The following NAALADL1 variants were observed in gnomAD, a reference collection of about 807,000 sequenced individuals.
NAALADL1 encodes the protein N-acetylated alpha-linked acidic dipeptidase like 1.
Under a neutral mutation model 82.8 loss-of-function variants are expected in NAALADL1, and 77 were observed. The ratio of observed to expected loss-of-function variants is 0.93; its 90% CI spans 0.77 to 1.12. NAALADL1 has a LOEUF of 1.12. NAALADL1 is among the 50% of genes most tolerant of loss of function. The probability of loss-of-function intolerance (pLI) is 0.00; values close to 1 mark genes in which losing one functional copy is unlikely to be tolerated. For missense variants in NAALADL1, 956 were observed against 964.0 expected, an observed-to-expected ratio of 0.99 and a Z score of 0.11; for synonymous variants, 358 against 399.2, an observed-to-expected ratio of 0.90 and a Z score of 1.23.
Position 65,045,443 on chromosome 11 carries a change from G to C in NAALADL1, c.2051C>G (p.Ala684Gly). The C allele has an allele frequency of 1.9e-6, 3 of 1,607,138 alleles. No homozygotes were observed. The highest frequency in any genetic ancestry group is 2.6e-6 in the Non-Finnish European group (3 of 1,175,868). The change falls in exon 18 of 18, where the codon GCA (alanine) becomes GGA (glycine). Residue 684 changes from alanine (A) to glycine (G), a missense_variant. By Grantham distance (60) the Ala-to-Gly change is moderately conservative. Coordinates refer to ENST00000358658, the MANE Select transcript of NAALADL1 (RefSeq NM_005468.3). The stretch of plus-strand genomic sequence containing the variant: ...TGTGACTACGGAGCCCGTGCGAGGT[G>C]CCCAGAGCACATGGCTGACAAGAGA... ...EERYYSHVLWAPRTGSVVTFP... is the reference protein window; with the variant it reads ...EERYYSHVLWGPRTGSVVTFP...
In NAALADL1 at chr11:65,053,579, G is replaced by A; in HGVS notation, c.993-3C>T. The A allele has an allele frequency of 1.3e-6, 2 of 1,591,174 alleles. No homozygotes were observed. The highest frequency in any genetic ancestry group is 8.6e-7 in the Non-Finnish European group (1 of 1,167,028). On this transcript the variant is annotated splice_polypyrimidine_tract_variant and splice_region_variant and intron_variant, in intron 6 of 17. Transcript: ENST00000358658. The surrounding 1 kb of genome is among the most constrained non-coding windows in gnomAD (Gnocchi z 4.3). ...TGTAGACGCTCACATTCACCTGGCT[G>A]GGGAGGGTGAAGGGTGTGAGAAGAC...
upstream of NAALADL1, among the ~76,000 whole-genome samples, chr11:65,060,459 G>C (rs1290549682): frequency 6.6e-6 from 1 of 152,088 alleles, no homozygotes. Context: ...CACCAGGTGG[G>C]GAGTGGGATG....
upstream of NAALADL1, among the ~76,000 whole-genome samples, chr11:65,060,501 G>A (rs1947169165): frequency 6.6e-6 from 1 of 152,128 alleles, no homozygotes; most frequent in Non-Finnish European, 1.5e-5. Flanking sequence ...AGGGACTGAG[G>A]CAGCAACCCC....
Position 65,058,098 on chromosome 11 carries a change from T to A in NAALADL1, c.338A>T (p.Gln113Leu). 1 of 1,611,602 alleles carries A rather than the reference T, an allele frequency of 6.2e-7. No homozygotes were observed. The highest frequency in any genetic ancestry group is 8.5e-7 in the Non-Finnish European group (1 of 1,178,182). Reference sequence around the variant, plus strand: ...CTCACCGATGTCCACGACGTTGGGCTGCTCCTGGCTAGGGAAGGACAGCAG... The same window carrying A: ...CTCACCGATGTCCACGACGTTGGGCAGCTCCTGGCTAGGGAAGGACAGCAG... ...EVLLSFPSQE[Q>L]PNVVDIVGPT... The change falls in exon 2 of 18, where the codon CAG (glutamine) becomes CTG (leucine). Residue 113 changes from glutamine (Q) to leucine (L), a missense_variant. Coordinates refer to ENST00000358658, the MANE Select transcript of NAALADL1 (RefSeq NM_005468.3).
chr11:65,047,340 T>C lies in NAALADL1; in HGVS notation c.1599+135A>G. 6 of 615,372 alleles carry C rather than the reference T, an allele frequency of 9.8e-6. No homozygotes were observed. In the South Asian group the frequency reaches 1.4e-4, roughly 14 times the overall value. The allele number at this position is 615,372 out of a possible 1,614,324, so 38.1% of individuals were successfully genotyped here. Reference sequence around the variant, plus strand: ...GTGTGTATTTCTGTGTGTGTGTGTGTTTTTTTTTAAGAAACTTGGCAGAGG... The same window carrying C: ...GTGTGTATTTCTGTGTGTGTGTGTGCTTTTTTTTAAGAAACTTGGCAGAGG... On this transcript the variant is annotated intron_variant, in intron 13 of 17. Coordinates refer to ENST00000358658, the MANE Select transcript of NAALADL1 (RefSeq NM_005468.3).
In NAALADL1 at chr11:65,046,456, A is replaced by G. The variant is rs757159142; in HGVS notation, c.1670T>C (p.Phe557Ser). 9 of 1,613,926 alleles carry G rather than the reference A, an allele frequency of 5.6e-6. No individual in the cohort carries two copies. The East Asian group carries it at 2.0e-4, about 36-fold the overall frequency. ...GTCTCCCTCCTCACCCGGGTCCAAA[A>G]ACTTGTCCACATAGTCAAAGGTGTC... The part of the protein sequence containing the change: ...AFDTFDYVDK[F>S]LDPGFSSHQA... Residue 557 changes from phenylalanine (F) to serine (S), a missense_variant, in exon 14 of 18, where the codon TTT (phenylalanine) becomes TCT (serine). Transcript: ENST00000358658.
In NAALADL1 at chr11:65,047,436, G is replaced by A. The variant is rs898317367; in HGVS notation, c.1599+39C>T. 5 of 1,522,588 alleles carry A rather than the reference G, an allele frequency of 3.3e-6. No homozygotes were observed. In the Admixed American group the frequency reaches 8.0e-5, roughly 24 times the overall value. The allele number at this position is 1,522,588 out of a possible 1,614,324, so 94.3% of individuals were successfully genotyped here. A position where few individuals can be genotyped will look rare whatever the true frequency, so the allele number is the denominator to read the frequency against. On this transcript the variant is annotated intron_variant, in intron 13 of 17. Transcript: ENST00000358658. ...ACAAAGAGAGGAGGGGGCGCATGCA[G>A]CAAGGTACCGAGGCAGGGACGGAGG...
intron 8 of NAALADL1, 131 bp from the exon 9 acceptor site, chr11:65,048,516 CCCTG>C: frequency 1.0e-6 from 1 of 990,150 alleles, no homozygotes; most frequent in Non-Finnish European, 1.5e-6. Context: ...TGTCCTGGCA[CCCTG>C]CAGCCAGGCC....
At chr11:65,051,315 CTTTTTTTTTTTTTTTTTT>C (rs10535126) in intron 8 of NAALADL1, among the ~76,000 whole-genome samples, 24 of 59,570 alleles carry the variant, frequency 4.0e-4, no homozygotes, top group South Asian at 6.9e-4. Flanking sequence ...TTCTTTCTTT[CTTTTTTTTTTTTTTTTTT>C]TTTTTTTTTT....
rs767320415 is a variant in NAALADL1, at chr11:65,053,499, A to G, written c.1070T>C (p.Val357Ala). 1 of 1,613,886 alleles carries G rather than the reference A, an allele frequency of 6.2e-7. No homozygotes were observed. Among genetic ancestry groups the G allele is most frequent in the South Asian group, 1.1e-5 (1 of 91,064 alleles). The change falls in exon 7 of 18, where the codon GTG (valine) becomes GCG (alanine). Residue 357 changes from valine (V) to alanine (A), a missense_variant. Physicochemically the swap from Val to Ala is moderately conservative, Grantham distance 64 (BLOSUM62 0). Transcript: ENST00000358658. This position sits in a 1 kb window ranked among gnomAD's most constrained non-coding sequence, Gnocchi z 4.3. Reference sequence around the variant, plus strand: ...GCAAGAGGAGGGCTCACCAGGCTCCACAGCCCCACGGATGATGCCCAGGAC... The same window carrying G: ...GCAAGAGGAGGGCTCACCAGGCTCCGCAGCCCCACGGATGATGCCCAGGAC... ...SNVLGIIRGAVEPDRYVLYGN... is the reference protein window; with the variant it reads ...SNVLGIIRGAAEPDRYVLYGN...
rs1946967886 is a variant in NAALADL1 at position 65,054,145 on chromosome 11, AG to A, written c.992+104del. On this transcript the variant is annotated intron_variant, in intron 6 of 17. Coordinates refer to ENST00000358658, the MANE Select transcript of NAALADL1 (RefSeq NM_005468.3). This position sits in a 1 kb window ranked among gnomAD's most constrained non-coding sequence, Gnocchi z 4.3. ...TCTGGGAGAGAGAGGAAAGGGAAAA[AG>A]GTCAGGCTTTGAAGTGGAAAGAGGG... The A allele has an allele frequency of 1.4e-5, 14 of 1,008,926 alleles. No individual in the cohort carries two copies. The highest frequency in any genetic ancestry group is 2.1e-5 in the Non-Finnish European group (14 of 674,952). 62.5% of individuals were successfully genotyped at this position (1,008,926 alleles called of 1,614,324 possible). A position where few individuals can be genotyped will look rare whatever the true frequency, so the allele number is the denominator to read the frequency against.
Position 65,047,745 on chromosome 11 carries a change from G to A in NAALADL1, c.1417-7C>T, listed in dbSNP as rs1000462859. The A allele has an allele frequency of 3.1e-6, 5 of 1,594,280 alleles. No homozygotes were observed. Among genetic ancestry groups the A allele is most frequent in the Non-Finnish European group, 4.3e-6 (5 of 1,171,530 alleles). The stretch of plus-strand genomic sequence containing the variant: ...CAGGGCCTGGTGAGCGGATCTGGCC[G>A]GAAGGAGAATTTAGTCTCGGTGCGC... On this transcript the variant is annotated splice_region_variant and splice_polypyrimidine_tract_variant and intron_variant, in intron 11 of 17. Coordinates refer to ENST00000358658, the MANE Select transcript of NAALADL1 (RefSeq NM_005468.3).
rs1947086540 is a variant in NAALADL1, at chr11:65,057,869, G to A, written c.480+6C>T. 6.2e-7 allele frequency: 1 copy of A among 1,613,530 alleles called. No individual in the cohort carries two copies. Among genetic ancestry groups the A allele is most frequent in the Non-Finnish European group, 8.5e-7 (1 of 1,179,878 alleles). ...GCCAGAGCAGTAGGGGGGGTTCTGG[G>A]CCCACCTGTGGGGTTCCAGAAGGAG... On this transcript the variant is annotated splice_donor_region_variant and intron_variant, in intron 3 of 17. Transcript: ENST00000358658.
chr11:65,058,303 G>A, intron 1 of NAALADL1, 34 bp downstream of exon 1: 2 of 1,613,992 alleles, frequency 1.2e-6, no homozygotes, highest in Non-Finnish European at 1.7e-6. Flanking sequence ...GGGGGCCTCT[G>A]GCAAACGGAG....
rs753724692 is a variant in NAALADL1, at chr11:65,045,816, A to G, written c.2036+6T>C. On this transcript the variant is annotated splice_donor_region_variant and intron_variant, in intron 17 of 17. Coordinates refer to ENST00000358658, the MANE Select transcript of NAALADL1 (RefSeq NM_005468.3). ...GGCACCTCCCAGGACTCTGGGACAG[A>G]CTCACCTGTAGTAGCGTTCCTCTGG... 2.5e-6 allele frequency: 4 copies of G among 1,613,532 alleles called. No individual in the cohort carries two copies. The Admixed American group carries it at 6.7e-5, about 27-fold the overall frequency.
At position 65,054,529 on chromosome 11, in the gene NAALADL1, G is replaced by T. The variant is rs149308848; in HGVS notation, c.813C>A (p.Asp271Glu). Residue 271 changes from aspartate to glutamate, a missense_variant, in exon 5 of 18, where the codon GAC becomes GAA. By Grantham distance (45) the Asp-to-Glu change is conservative (BLOSUM62 2). Transcript: ENST00000358658. This position sits in a 1 kb window ranked among gnomAD's most constrained non-coding sequence, Gnocchi z 4.3. ...LPAVPSSFRV[D>E]LANVSGFPPI... ...GGGGAAATCCGGAGACATTGGCAAG[G>T]TCCACGCGGAAGGAAGAGGGGACGG... 12 of 1,613,986 alleles carry T rather than the reference G, an allele frequency of 7.4e-6. No homozygotes were observed. In the African/African-American group the frequency reaches 1.5e-4, roughly 20 times the overall value.
chr11:65,054,308 C>T lies in NAALADL1; in HGVS notation c.934G>A (p.Gly312Ser). ...CCGGGACCCAACCTGTAGTGGCAGC[C>T]CAGTGCTCCCTGCCAGGTGGCTGGG... ...LAPATWQGAL[G>S]CHYRLGPGFR... Residue 312 changes from glycine to serine, a missense_variant, in exon 6 of 18, where the codon GGC becomes AGC. Gly to Ser is a moderately conservative substitution (Grantham distance 56). Transcript: ENST00000358658. This position sits in a 1 kb window ranked among gnomAD's most constrained non-coding sequence, Gnocchi z 4.3. 1 of 1,614,116 alleles carries T rather than the reference C, an allele frequency of 6.2e-7. No homozygotes were observed. The highest frequency in any genetic ancestry group is 1.3e-5 in the African/African-American group (1 of 75,010).
chr11:65,045,613 C>A, intron 17 of NAALADL1, 156 bp from the exon 18 acceptor site: 1 of 944,172 alleles, frequency 1.1e-6, no homozygotes, highest in Non-Finnish European at 1.6e-6. Flanking sequence ...ACAGCAGTGG[C>A]GGTCGGGGGA....
At chr11:65,048,588 G>A (rs533582129) in intron 8 of NAALADL1, 49 of 603,536 alleles carry the variant, frequency 8.1e-5, no homozygotes, top group Non-Finnish European at 2.3e-5. Flanking sequence ...TGAAGGGTCG[G>A]GTGGTCCCTT....
Sources: gnomAD v4.1 joint callset for allele counts (sites outside exome capture counted in the v4.1 genomes callset) on GRCh38, gnomAD v4.1.1 for gene constraint, Gnocchi (gnomAD v3.1) non-coding constraint, MANE v1.5 for transcripts, NCBI Gene and HGNC (gene_info 2026-07-23, HGNC 2026-07-21) for gene names.